GNA14: variants seen among roughly 807,000 people sequenced by gnomAD.
The protein encoded by GNA14 is G protein subunit alpha 14.
In GNA14, 50 loss-of-function variants were observed where a neutral mutation model predicts 42.0. That is an observed-to-expected ratio of 1.19 (90% CI 0.95 to 1.51). The LOEUF (loss-of-function observed/expected upper bound fraction) is 1.51. Ranked by LOEUF, GNA14 falls within the 40% of genes most tolerant of loss-of-function variation. The probability of loss-of-function intolerance (pLI) is 0.00; values close to 1 mark genes in which losing one functional copy is unlikely to be tolerated. For missense variants in GNA14, 473 were observed against 446.2 expected (o/e 1.06, Z -0.54); for synonymous variants, 173 against 163.1 (o/e 1.06, Z -0.46).
Position 77,620,789 on chromosome 9 carries a change from A to G in GNA14, c.124+26881T>C, listed in dbSNP as rs538600557. On this transcript the variant is annotated intron_variant, in intron 1 of 6. Coordinates refer to ENST00000341700, the MANE Select transcript of GNA14 (RefSeq NM_004297.4). ...TTTGAACGCGCGAGGTGGAGGTTGC[A>G]GTGAGCCAAGATCACACCACTGCAC... Among the ~76,000 whole-genome samples the G allele has an allele frequency of 7.6e-5, 11 of 144,374 alleles. No homozygotes were observed. The South Asian group carries it at 2.5e-3, about 33-fold the overall frequency. 94.7% of individuals were successfully genotyped at this position (144,374 alleles called of 152,430 possible). A position where few individuals can be genotyped will look rare whatever the true frequency, so the allele number is the denominator to read the frequency against.
chr9:77,444,945 G>A (rs1044956603), intron 2 of GNA14, among the ~76,000 whole-genome samples: 3 of 152,178 alleles, frequency 2.0e-5, no homozygotes, highest in Non-Finnish European at 2.9e-5. Flanking sequence ...AGGGCTGCCT[G>A]CTGGGAATAG....
chr9:77,512,569 A>G (rs1053112665), intron 2 of GNA14, among the ~76,000 whole-genome samples: 13 of 152,176 alleles, frequency 8.5e-5, no homozygotes, highest in Non-Finnish European at 1.2e-4. Flanking sequence ...ACAGTTTCTT[A>G]TTTCTTGAGA....
intron 1 of GNA14, among the ~76,000 whole-genome samples, chr9:77,592,363 A>G (rs1402010028): frequency 6.6e-6 from 1 of 152,230 alleles, no homozygotes; most frequent in Non-Finnish European, 1.5e-5. Context: ...GTGAATGACC[A>G]TGTTAACTTG....
At chr9:77,458,284 C>A (rs1016788547) in intron 2 of GNA14, among the ~76,000 whole-genome samples, 1 of 122,100 alleles carries the variant, frequency 8.2e-6, no homozygotes, top group African/African-American at 3.0e-5. Flanking sequence ...GGCCCAAGTG[C>A]ACAGCTTTGA....
chr9:77,442,555 A>G (rs990776456), intron 2 of GNA14, among the ~76,000 whole-genome samples: 1 of 152,148 alleles, frequency 6.6e-6, no homozygotes, highest in Non-Finnish European at 1.5e-5. Flanking sequence ...ACAGGGCCAG[A>G]GTGACAAGGA....
intron 1 of GNA14, among the ~76,000 whole-genome samples, chr9:77,587,748 G>A (rs1370826177): frequency 6.6e-6 from 1 of 152,198 alleles, no homozygotes; most frequent in African/African-American, 2.4e-5. Context: ...AAATGCCGCT[G>A]AATTGTTTGC....
intron 1 of GNA14, among the ~76,000 whole-genome samples, chr9:77,598,966 C>T (rs533636829): frequency 2.0e-5 from 3 of 152,174 alleles, no homozygotes; most frequent in Non-Finnish European, 4.4e-5. Context: ...GAGATATAAA[C>T]AAGAACACCA....
At chr9:77,467,588 C>T (rs1295367507) in intron 2 of GNA14, among the ~76,000 whole-genome samples, 1 of 150,856 alleles carries the variant, frequency 6.6e-6, no homozygotes, top group East Asian at 1.9e-4. Context: ...TGAACTTAGG[C>T]AAGAAATGCT....
intron 2 of GNA14, among the ~76,000 whole-genome samples, chr9:77,447,173 G>A (rs1399991881): frequency 6.6e-6 from 1 of 152,124 alleles, no homozygotes; most frequent in South Asian, 2.1e-4. Flanking sequence ...TCCAACTCCT[G>A]ACCTCAAATG....
chr9:77,463,054 G>A (rs1383337477), intron 2 of GNA14, among the ~76,000 whole-genome samples: 3 of 152,212 alleles, frequency 2.0e-5, no homozygotes, highest in Non-Finnish European at 4.4e-5. Flanking sequence ...CACAGATTAG[G>A]AGAGGGGGTG....
chr9:77,556,998 C>T (rs1220583963), intron 1 of GNA14, among the ~76,000 whole-genome samples: 2 of 152,180 alleles, frequency 1.3e-5, no homozygotes, highest in Non-Finnish European at 2.9e-5. Flanking sequence ...TTCCACCCCA[C>T]ACAGCATGGG....
At chr9:77,522,801 T>C (rs1837379533) in intron 2 of GNA14, among the ~76,000 whole-genome samples, 1 of 152,146 alleles carries the variant, frequency 6.6e-6, no homozygotes, top group Non-Finnish European at 1.5e-5. Flanking sequence ...CTGAGAATCA[T>C]TGTTTGGGAT....
intron 2 of GNA14, among the ~76,000 whole-genome samples, chr9:77,466,214 T>C (rs1007802176): frequency 2.0e-5 from 3 of 152,226 alleles, no homozygotes; most frequent in African/African-American, 7.2e-5. Flanking sequence ...TCTATTCCTT[T>C]CTCTGGTCTT....
intron 1 of GNA14, among the ~76,000 whole-genome samples, chr9:77,636,812 A>T (rs912064943): frequency 1.1e-4 from 16 of 152,184 alleles, no homozygotes; most frequent in Non-Finnish European, 1.3e-4. Context: ...TGGGGATCAA[A>T]TTTTCAACAT....
intron 2 of GNA14, among the ~76,000 whole-genome samples, chr9:77,511,594 C>T (rs1383824807): frequency 1.3e-5 from 2 of 152,092 alleles, no homozygotes; most frequent in African/African-American, 2.4e-5. Flanking sequence ...AGCTTGCAGG[C>T]GAAAGGAGTT....
chr9:77,464,496 T>C (rs191411864), intron 2 of GNA14, among the ~76,000 whole-genome samples: 1 of 152,064 alleles, frequency 6.6e-6, no homozygotes, highest in African/African-American at 2.4e-5. Context: ...AAAGTCCATT[T>C]TTTTCTTTCT....
chr9:77,609,889 A>G lies in GNA14; in HGVS notation c.124+37781T>C, dbSNP rs573058649. Among the ~76,000 whole-genome samples, 16 of 152,308 alleles carry G rather than the reference A, an allele frequency of 1.1e-4. No homozygotes were observed. In the East Asian group the frequency reaches 3.1e-3, roughly 29 times the overall value. ...TCCTTTTTGAAATGCAGGGAGGTTC[A>G]TGTATCTGACCAAGGGAAGATTTTC... On this transcript the variant is annotated intron_variant, in intron 1 of 6. Transcript: ENST00000341700.
intron 1 of GNA14, among the ~76,000 whole-genome samples, chr9:77,625,088 G>C (rs533180912): frequency 6.6e-6 from 1 of 151,754 alleles, no homozygotes; most frequent in South Asian, 2.1e-4. Context: ...GAAGAACACA[G>C]AACAAGAACT....
chr9:77,577,098 G>A (rs568503509), intron 1 of GNA14, among the ~76,000 whole-genome samples: 1 of 152,282 alleles, frequency 6.6e-6, no homozygotes, highest in African/African-American at 2.4e-5. Context: ...AAAATTAAGG[G>A]CTTTAGGCTA....
Sources: allele counts gnomAD v4.1 joint callset (sites outside exome capture counted in the v4.1 genomes callset), GRCh38; gene constraint gnomAD v4.1.1; transcripts MANE v1.5; gene names NCBI Gene and HGNC (gene_info 2026-07-23, HGNC 2026-07-21).